The following ZZEF1 variants were observed in gnomAD, a reference collection of about 807,000 sequenced individuals.
ZZEF1 encodes the protein zinc finger ZZ-type and EF-hand domain-containing protein 1.
In ZZEF1, 157 loss-of-function variants were observed where a neutral mutation model predicts 342.8. The ratio of observed to expected loss-of-function variants is 0.46; its 90% CI spans 0.40 to 0.52. The LOEUF is 0.52. ZZEF1 is among the 20% of genes least tolerant of loss of function. The pLI, the probability that ZZEF1 is intolerant of heterozygous loss-of-function variation, is 0.00. For missense variants in ZZEF1, 3,480 were observed against 3,725.6 expected, an observed-to-expected ratio of 0.93 and a Z score of 1.72; for synonymous variants, 1,505 against 1,429.1, an observed-to-expected ratio of 1.05 and a Z score of -1.20.
At chr17:4,108,621 T>C (rs1005800166) in intron 6 of ZZEF1, among the ~76,000 whole-genome samples, 1 of 152,216 alleles carries the variant, frequency 6.6e-6, no homozygotes, top group African/African-American at 2.4e-5. Context: ...CTGATTTCAA[T>C]GGTTGTCAGT....
intron 4 of ZZEF1, among the ~76,000 whole-genome samples, chr17:4,113,651 C>A: frequency 7.4e-6 from 1 of 134,634 alleles, no homozygotes; most frequent in Admixed American, 7.6e-5. Flanking sequence ...GGCGTCAGAG[C>A]AAGGCTCCAT....
intron 37 of ZZEF1, among the ~76,000 whole-genome samples, chr17:4,046,601 CTCTT>C (rs1368252978): frequency 2.6e-5 from 4 of 152,180 alleles, no homozygotes; most frequent in Admixed American, 6.5e-5. Flanking sequence ...TACCTTCAAC[CTCTT>C]TCTGAGAAAA....
At chr17:4,088,071 G>A (rs1387213445) in intron 13 of ZZEF1, among the ~76,000 whole-genome samples, 1 of 152,120 alleles carries the variant, frequency 6.6e-6, no homozygotes, top group African/African-American at 2.4e-5. Context: ...ACCAGCCTCT[G>A]AATGTGCCCT....
chr17:4,041,351 C>A (rs1567786310), intron 39 of ZZEF1, among the ~76,000 whole-genome samples: 3 of 152,126 alleles, frequency 2.0e-5, no homozygotes, highest in African/African-American at 7.2e-5. Context: ...ATTTATAAAT[C>A]AGCCTCAACT....
intron 16 of ZZEF1, among the ~76,000 whole-genome samples, chr17:4,084,407 T>C (rs1213113759): frequency 6.6e-6 from 1 of 152,212 alleles, no homozygotes; most frequent in Middle Eastern, 3.2e-3. Flanking sequence ...GTTGTTGCAC[T>C]GGTTAATTAA....
chr17:4,042,591 AGAATT>A, intron 38 of ZZEF1, 23 bp from the exon 39 acceptor site: 1 of 1,608,286 alleles, frequency 6.2e-7, no homozygotes, highest in Non-Finnish European at 8.5e-7. Context: ...ACAAACTTTC[AGAATT>A]TGCCTGCATC....
Position 4,064,627 on chromosome 17 carries a change from T to C in ZZEF1, c.4452A>G (p.Thr1484=). 1.9e-6 allele frequency: 3 copies of C among 1,614,178 alleles called. No individual in the cohort carries two copies. Among genetic ancestry groups the C allele is most frequent in the Non-Finnish European group, 2.5e-6 (3 of 1,180,030 alleles). ...VSPTEAAPPA[T]GDQSPGLGTQ... is the part of the protein sequence containing the mutation. The stretch of plus-strand genomic sequence containing the variant: ...TGCCCAGGCCAGGACTCTGGTCTCC[T>C]GTGGCAGGGGGTGCGGCTTCAGTGG... The change falls in exon 29 of 55, where the codon ACA becomes ACG. Residue 1484 remains threonine, a synonymous_variant. Coordinates refer to ENST00000381638, the MANE Select transcript of ZZEF1 (RefSeq NM_015113.4).
At chr17:4,044,101 C>T in intron 38 of ZZEF1, 123 bp downstream of exon 38, 1 of 1,054,306 alleles carries the variant, frequency 9.5e-7, no homozygotes, top group African/African-American at 1.6e-5. Flanking sequence ...CTGAACAGAA[C>T]TGAGAAACCA....
chr17:4,038,362 T>C (rs769314516), intron 39 of ZZEF1, among the ~76,000 whole-genome samples: 3 of 152,200 alleles, frequency 2.0e-5, no homozygotes, highest in Non-Finnish European at 4.4e-5. Context: ...TGGAGTAATT[T>C]CCAGTTTAGA....
chr17:4,032,349 C>A, intron 41 of ZZEF1, 91 bp from the exon 42 acceptor site: 1 of 1,391,868 alleles, frequency 7.2e-7, no homozygotes, highest in Admixed American at 2.5e-5. Context: ...TTTGATTGTG[C>A]CTCTGATTTC....
chr17:4,096,133 T>G (rs985176983), intron 10 of ZZEF1, among the ~76,000 whole-genome samples, 154 bp from the exon 11 acceptor site: 1 of 152,158 alleles, frequency 6.6e-6, no homozygotes, highest in Non-Finnish European at 1.5e-5. Context: ...AAGAAAGCTG[T>G]TTCCCAAGAA....
intron 39 of ZZEF1, among the ~76,000 whole-genome samples, chr17:4,035,545 C>G (rs1254544961): frequency 6.6e-6 from 1 of 152,130 alleles, no homozygotes; most frequent in African/African-American, 2.4e-5. Context: ...GGAAGTCACC[C>G]AAGCCCAGGA....
At chr17:4,049,301 C>T (rs779597572) in intron 37 of ZZEF1, among the ~76,000 whole-genome samples, 2 of 152,098 alleles carry the variant, frequency 1.3e-5, no homozygotes, top group African/African-American at 2.4e-5. Context: ...CACTTGAGCC[C>T]AGGAGTTCAA....
chr17:4,074,633 C>A (rs1215897548), intron 23 of ZZEF1, among the ~76,000 whole-genome samples: 2 of 152,166 alleles, frequency 1.3e-5, no homozygotes, highest in Non-Finnish European at 2.9e-5. Context: ...CATTTCCATG[C>A]CTCTGCTCCT....
chr17:4,083,631 T>C (rs369774345), intron 16 of ZZEF1, among the ~76,000 whole-genome samples: 4 of 119,866 alleles, frequency 3.3e-5, no homozygotes, highest in Non-Finnish European at 7.0e-5. Flanking sequence ...TTTTATGCTT[T>C]TGTTCCTTTT....
At chr17:4,073,185 TA>T (rs1379764914) in intron 24 of ZZEF1, among the ~76,000 whole-genome samples, 1 of 152,184 alleles carries the variant, frequency 6.6e-6, no homozygotes. Context: ...TAGGTGGAAA[TA>T]AAAATGCTAA....
chr17:4,106,864 G>C (rs1437921992), intron 6 of ZZEF1, among the ~76,000 whole-genome samples: 1 of 152,190 alleles, frequency 6.6e-6, no homozygotes, highest in African/African-American at 2.4e-5. Context: ...GTCGCTTAAT[G>C]ATAATGGTAA....
At chr17:4,066,913 C>T (rs555018364) in intron 27 of ZZEF1, among the ~76,000 whole-genome samples, 8 of 152,212 alleles carry the variant, frequency 5.3e-5, no homozygotes, top group East Asian at 3.9e-4. Context: ...GATGCTGTTC[C>T]GCCAACTCTA....
At chr17:4,035,734 T>C (rs1003180935) in intron 39 of ZZEF1, among the ~76,000 whole-genome samples, 3 of 152,108 alleles carry the variant, frequency 2.0e-5, no homozygotes, top group Non-Finnish European at 2.9e-5. Context: ...GTGTTGCCAC[T>C]GAGTAGCAGC....
Sources: allele counts gnomAD v4.1 joint callset (sites outside exome capture counted in the v4.1 genomes callset), GRCh38; gene constraint gnomAD v4.1.1; transcripts MANE v1.5; gene names NCBI Gene and HGNC (gene_info 2026-07-23, HGNC 2026-07-21).